Variants in LIMCH1 observed in about 807,000 individuals in gnomAD.
LIMCH1 encodes the protein LIM and calponin homology domains-containing protein 1.
LIMCH1 carries 113 observed loss-of-function variants against 176.5 expected under a neutral mutation model. The ratio of observed to expected loss-of-function variants is 0.64; its 90% CI spans 0.55 to 0.75. LIMCH1 has a LOEUF of 0.75. Ranked by LOEUF, LIMCH1 falls within the 30% of genes least tolerant of loss-of-function variation. LIMCH1 has a pLI of 0.00. For missense variants in LIMCH1, 1,674 were observed against 1,814.9 expected (o/e 0.92, Z 1.41); for synonymous variants, 619 against 645.9 (o/e 0.96, Z 0.63).
chr4:41,385,386 T>C (rs2056346058), intron 1 of LIMCH1, among the ~76,000 whole-genome samples: 1 of 152,234 alleles, frequency 6.6e-6, no homozygotes, highest in African/African-American at 2.4e-5. Flanking sequence ...ATTGATAATT[T>C]AGATTTTTTT....
At chr4:41,612,602 G>A (rs1009804751) in intron 4 of LIMCH1, 1 of 702,568 alleles carries the variant, frequency 1.4e-6, no homozygotes, top group Non-Finnish European at 2.6e-6. Flanking sequence ...TATAATACGA[G>A]GGTGAGGATG....
intron 1 of LIMCH1, chr4:41,472,959 T>C (rs1481789784): frequency 1.1e-6 from 1 of 926,992 alleles, no homozygotes. Context: ...AGAAAACACT[T>C]TGGGAAATGC....
At chr4:41,399,917 C>T (rs1348484793) in intron 1 of LIMCH1, among the ~76,000 whole-genome samples, 1 of 146,142 alleles carries the variant, frequency 6.8e-6, no homozygotes, top group Non-Finnish European at 1.5e-5. Flanking sequence ...CTCCTGACCT[C>T]GTGATTCGCC....
At chr4:41,579,049 A>AT (rs11285726) in intron 1 of LIMCH1, among the ~76,000 whole-genome samples, 5,978 of 144,722 alleles carry the variant, frequency 0.041, 357 homozygotes, top group African/African-American at 0.13. Flanking sequence ...AAAATGTGTG[A>AT]TTTTTTTTTT....
At chr4:41,651,305 C>G (rs2094289366) in intron 18 of LIMCH1, among the ~76,000 whole-genome samples, 2 of 152,160 alleles carry the variant, frequency 1.3e-5, no homozygotes, top group Non-Finnish European at 2.9e-5. Flanking sequence ...CACACCCAGC[C>G]TAATTTCCCC....
chr4:41,610,913 A>G (rs2091339309), intron 4 of LIMCH1, among the ~76,000 whole-genome samples: 1 of 152,226 alleles, frequency 6.6e-6, no homozygotes, highest in Non-Finnish European at 1.5e-5. Flanking sequence ...CCCTAATCTG[A>G]AAATCTGAAA....
chr4:41,365,201 G>A (rs2052787828), intron 1 of LIMCH1, among the ~76,000 whole-genome samples: 1 of 152,236 alleles, frequency 6.6e-6, no homozygotes, highest in African/African-American at 2.4e-5. Flanking sequence ...ATCAGAGTGT[G>A]CCCATGGGGC....
intron 3 of LIMCH1, among the ~76,000 whole-genome samples, chr4:41,530,424 C>T (rs1323112928): frequency 6.6e-6 from 1 of 152,138 alleles, no homozygotes; most frequent in Non-Finnish European, 1.5e-5. Context: ...AGAACTTTAC[C>T]TTCCCTCCAG....
At chr4:41,526,261 C>CT (rs11384675) in intron 3 of LIMCH1, among the ~76,000 whole-genome samples, 42,753 of 130,828 alleles carry the variant, frequency 0.33, 7,454 homozygotes, top group African/African-American at 0.46. Context: ...CTTGCTATCG[C>CT]TTTTTTTTTT....
In LIMCH1 at chr4:41,680,973, G is replaced by T; in HGVS notation, c.3631G>T (p.Asp1211Tyr). Residue 1211 changes from aspartate to tyrosine, a missense_variant, in exon 25 of 32, where the codon GAC (aspartate) becomes TAC (tyrosine). Asp to Tyr is a radical substitution (Grantham distance 160). This residue lies in a region of LIMCH1 where 1,015 missense variants were observed against 1,102.5 expected (regional missense o/e 0.92). Coordinates refer to ENST00000503057, the MANE Select transcript of LIMCH1 (RefSeq NM_001330672.2). ...CCCTTAGGAGCGTAAGATAATTGAA[G>T]ACACTGTGGTTCCATTTACTGTTTC... ...YYEEERKIIE[D>Y]TVVPFTVSSS... 2 of 1,603,550 alleles carry T rather than the reference G, an allele frequency of 1.2e-6. No homozygotes were observed. The highest frequency in any genetic ancestry group is 2.2e-5 in the South Asian group (2 of 90,642).
chr4:41,546,688 T>G (rs1439820924), intron 1 of LIMCH1, among the ~76,000 whole-genome samples: 1 of 152,164 alleles, frequency 6.6e-6, no homozygotes, highest in East Asian at 1.9e-4. Context: ...TTGCTTCCCC[T>G]GTGATAGATT....
chr4:41,473,064 CAA>C (rs1225566208), intron 1 of LIMCH1: 1 of 984,316 alleles, frequency 1.0e-6, no homozygotes, highest in South Asian at 4.7e-5. Flanking sequence ...CCATTCAAGA[CAA>C]GAGGTGAAGA....
chr4:41,689,633 A>T lies in LIMCH1; in HGVS notation c.4273A>T (p.Arg1425Trp), dbSNP rs1203465552. 6.3e-7 allele frequency: 1 copy of T among 1,581,196 alleles called. No homozygotes were observed. The highest frequency in any genetic ancestry group is 1.1e-5 in the South Asian group (1 of 90,520). ...LNLYFHIQCF[R>W]CGICKGQLGD... ...TCTCTATTTTCACATCCAGTGTTTC[A>T]GGGTACGTACTTACTGCTTTGCTCT... is the stretch of plus-strand genomic sequence containing the variant. Residue 1425 changes from arginine to tryptophan, a missense_variant and splice_region_variant, in exon 30 of 32, where the codon AGG (arginine) becomes TGG (tryptophan). This residue lies in a region of LIMCH1 where 1,015 missense variants were observed against 1,102.5 expected (regional missense o/e 0.92). Coordinates refer to ENST00000503057, the MANE Select transcript of LIMCH1 (RefSeq NM_001330672.2).
At chr4:41,620,366 G>T in intron 6 of LIMCH1, 58 bp from the exon 7 acceptor site, 1 of 1,454,352 alleles carries the variant, frequency 6.9e-7, no homozygotes, top group Non-Finnish European at 9.2e-7. Flanking sequence ...AGATGACATG[G>T]GGTCTGCTCC....
upstream of LIMCH1, among the ~76,000 whole-genome samples, chr4:41,536,005 G>A (rs2077898782): frequency 6.6e-6 from 1 of 152,074 alleles, no homozygotes; most frequent in African/African-American, 2.4e-5. Context: ...CATTACATCA[G>A]TTCCTCACTT....
chr4:41,458,489 A>G (rs1368277144), intron 1 of LIMCH1, among the ~76,000 whole-genome samples: 1 of 152,004 alleles, frequency 6.6e-6, no homozygotes, highest in Non-Finnish European at 1.5e-5. Context: ...TTAAAGATGG[A>G]TTGTGGGCCA....
chr4:41,367,298 G>A (rs1294184878), intron 1 of LIMCH1, among the ~76,000 whole-genome samples: 2 of 152,164 alleles, frequency 1.3e-5, no homozygotes, highest in Non-Finnish European at 2.9e-5. Flanking sequence ...GAAATAACTT[G>A]GCTGATACCT....
At chr4:41,486,973 T>TACAC (rs1554068488) in intron 1 of LIMCH1, among the ~76,000 whole-genome samples, 56 of 86,808 alleles carry the variant, frequency 6.5e-4, no homozygotes, top group African/African-American at 2.9e-3. Context: ...CACACACACA[T>TACAC]ACATACACAC....
chr4:41,560,152 C>G (rs1346774043), intron 1 of LIMCH1, among the ~76,000 whole-genome samples: 1 of 152,176 alleles, frequency 6.6e-6, no homozygotes, highest in African/African-American at 2.4e-5. Flanking sequence ...CAGCACAATT[C>G]TTATAGCCAG....
Sources: allele counts gnomAD v4.1 joint callset (sites outside exome capture counted in the v4.1 genomes callset), GRCh38; gene constraint gnomAD v4.1.1; regional missense constraint gnomAD v4.1.1; transcripts MANE v1.5; gene names NCBI Gene and HGNC (gene_info 2026-07-23, HGNC 2026-07-21).